Variants in FHIT observed in about 807,000 individuals in gnomAD.
FHIT encodes fragile histidine triad diadenosine triphosphatase.
Under a neutral mutation model 17.9 loss-of-function variants are expected in FHIT, and 19 were observed. The observed-to-expected ratio is 1.06, with a 90% CI of 0.74 to 1.56. The LOEUF (loss-of-function observed/expected upper bound fraction) is 1.56. FHIT is among the 40% of genes most tolerant of loss of function. The pLI is 0.00. For synonymous variants in FHIT, 81 were observed against 69.7 expected, an observed-to-expected ratio of 1.16 and a Z score of -0.81; for missense variants, 248 against 189.2, an observed-to-expected ratio of 1.31 and a Z score of -1.82.
chr3:60,194,326 T>C (rs1446332128), intron 5 of FHIT, among the ~76,000 whole-genome samples: 3 of 151,938 alleles, frequency 2.0e-5, no homozygotes, highest in Non-Finnish European at 4.4e-5. Flanking sequence ...TTAAAAAACA[T>C]AAACTGGGGA....
At chr3:60,124,284 G>A (rs973306107) in intron 5 of FHIT, among the ~76,000 whole-genome samples, 18 of 151,446 alleles carry the variant, frequency 1.2e-4, no homozygotes, top group Non-Finnish European at 2.2e-4. Context: ...AAGACTAGCC[G>A]TCTTCAACAG....
At chr3:60,205,733 G>C (rs936818471) in intron 5 of FHIT, among the ~76,000 whole-genome samples, 1 of 152,062 alleles carries the variant, frequency 6.6e-6, no homozygotes, top group African/African-American at 2.4e-5. Context: ...ATATGAATAC[G>C]TATGTGTATT....
chr3:59,906,571 G>A (rs899625983), intron 8 of FHIT, among the ~76,000 whole-genome samples: 4 of 152,154 alleles, frequency 2.6e-5, no homozygotes, highest in African/African-American at 9.7e-5. Context: ...TTGGTTCCTG[G>A]AAATCTAGGC....
At chr3:61,013,647 G>A (rs145626140) in intron 3 of FHIT, among the ~76,000 whole-genome samples, 1 of 152,122 alleles carries the variant, frequency 6.6e-6, no homozygotes, top group Non-Finnish European at 1.5e-5. Flanking sequence ...AAAAAGAGGA[G>A]GTGATGAAAT....
chr3:60,884,207 A>T (rs1705109316), intron 3 of FHIT, among the ~76,000 whole-genome samples: 1 of 152,170 alleles, frequency 6.6e-6, no homozygotes, highest in Non-Finnish European at 1.5e-5. Context: ...AAAAAGACAA[A>T]CAATAACAGA....
At chr3:60,871,081 C>T (rs1704396554) in intron 3 of FHIT, among the ~76,000 whole-genome samples, 6 of 152,122 alleles carry the variant, frequency 3.9e-5, no homozygotes, top group South Asian at 4.1e-4. Context: ...CATGTAAACC[C>T]GTTTCCATCT....
At chr3:60,069,102 C>A (rs563064937) in intron 5 of FHIT, among the ~76,000 whole-genome samples, 24 of 150,856 alleles carry the variant, frequency 1.6e-4, no homozygotes, top group Admixed American at 9.9e-4. Flanking sequence ...ATAATATGAT[C>A]CTGTTTATAA....
intron 5 of FHIT, among the ~76,000 whole-genome samples, chr3:60,203,628 C>A (rs542626799): frequency 2.0e-5 from 3 of 152,168 alleles, no homozygotes; most frequent in African/African-American, 4.8e-5. Context: ...ACCTGGTCAA[C>A]CTATGTCAGC....
At chr3:60,447,551 A>T (rs2031426586) in intron 5 of FHIT, among the ~76,000 whole-genome samples, 1 of 152,168 alleles carries the variant, frequency 6.6e-6, no homozygotes, top group African/African-American at 2.4e-5. Flanking sequence ...CCTCAAAGAA[A>T]CTTCAAATAA....
chr3:60,355,934 G>A (rs557135695), intron 5 of FHIT, among the ~76,000 whole-genome samples: 20 of 152,144 alleles, frequency 1.3e-4, no homozygotes, highest in African/African-American at 4.3e-4. Flanking sequence ...TTTAATCACT[G>A]GGTCATTATC....
Position 60,286,058 on chromosome 3 carries a change from C to T in FHIT, c.103+250802G>A, listed in dbSNP as rs118092374. Among the ~76,000 whole-genome samples the T allele has an allele frequency of 1.1e-3, 160 of 152,162 alleles. 1 individual carries two copies. The East Asian group carries it at 0.017, about 16-fold the overall frequency. On this transcript the variant is annotated intron_variant, in intron 5 of 9. Coordinates refer to ENST00000492590, the MANE Select transcript of FHIT (RefSeq NM_002012.4). ...GGGGAGGAAGCAGGGGTGGGGAGCA[C>T]ACACCAACATGCATGAGGTGAATGC...
At chr3:60,122,226 T>C (rs1705292055) in intron 5 of FHIT, among the ~76,000 whole-genome samples, 1 of 152,140 alleles carries the variant, frequency 6.6e-6, no homozygotes, top group Non-Finnish European at 1.5e-5. Flanking sequence ...AATAAAAACA[T>C]TATATTAGTA....
chr3:60,778,980 G>T (rs1553725101), intron 4 of FHIT, among the ~76,000 whole-genome samples: 1 of 152,190 alleles, frequency 6.6e-6, no homozygotes, highest in African/African-American at 2.4e-5. Context: ...CTTAAGAGGA[G>T]AGGATCACCC....
intron 3 of FHIT, among the ~76,000 whole-genome samples, chr3:60,880,662 G>A (rs556892331): frequency 6.6e-6 from 1 of 152,350 alleles, no homozygotes; most frequent in Non-Finnish European, 1.5e-5. Context: ...TACCCAGGAG[G>A]TGGAGGTTGC....
At chr3:59,991,561 T>C (rs1231058929) in intron 7 of FHIT, among the ~76,000 whole-genome samples, 9 of 152,196 alleles carry the variant, frequency 5.9e-5, no homozygotes, top group African/African-American at 2.2e-4. Flanking sequence ...TACCCCAGGC[T>C]TAAGTCTCAT....
chr3:60,504,571 A>T (rs1448172048), intron 5 of FHIT, among the ~76,000 whole-genome samples: 2 of 152,226 alleles, frequency 1.3e-5, no homozygotes, highest in Non-Finnish European at 2.9e-5. Context: ...GTGAACTGCC[A>T]AATACAATAT....
At chr3:60,050,359 A>G (rs960421165) in intron 5 of FHIT, among the ~76,000 whole-genome samples, 7 of 152,132 alleles carry the variant, frequency 4.6e-5, no homozygotes. Flanking sequence ...AATTGTGAAG[A>G]AATTTCATCT....
At chr3:59,851,490 A>C (rs1701933761) in intron 8 of FHIT, among the ~76,000 whole-genome samples, 1 of 152,216 alleles carries the variant, frequency 6.6e-6, no homozygotes, top group African/African-American at 2.4e-5. Flanking sequence ...ACTTGTCTTA[A>C]GTTAAACAGC....
At chr3:60,400,397 C>T (rs1264118854) in intron 5 of FHIT, among the ~76,000 whole-genome samples, 3 of 152,086 alleles carry the variant, frequency 2.0e-5, no homozygotes, top group Non-Finnish European at 4.4e-5. Flanking sequence ...TGGCCAAGTT[C>T]GTGGCATCAG....
Sources: gnomAD v4.1 joint callset for allele counts (sites outside exome capture counted in the v4.1 genomes callset) on GRCh38, gnomAD v4.1.1 for gene constraint, MANE v1.5 for transcripts, NCBI Gene and HGNC (gene_info 2026-07-23, HGNC 2026-07-21) for gene names.